Variants in FBXL20 observed in about 807,000 individuals in gnomAD.
The protein encoded by FBXL20 is F-box and leucine rich repeat protein 20, also known as F-box/LRR-repeat protein 20.
FBXL20 carries 11 observed loss-of-function variants against 64.0 expected under a neutral mutation model. The observed-to-expected ratio is 0.17, with a 90% CI of 0.11 to 0.28. The LOEUF (loss-of-function observed/expected upper bound fraction) is 0.28. Among genes scored for constraint, FBXL20 ranks in the 10% least tolerant of loss-of-function variants. The pLI is 1.00. For missense variants in FBXL20, 303 were observed against 526.2 expected, an observed-to-expected ratio of 0.58 and a Z score of 4.15; for synonymous variants, 184 against 189.0, an observed-to-expected ratio of 0.97 and a Z score of 0.22.
chr17:39,345,551 T>A, intron 1 of FBXL20, among the ~76,000 whole-genome samples: 1 of 80,908 alleles, frequency 1.2e-5, no homozygotes, highest in Middle Eastern at 5.4e-3. Context: ...ATTTTAATAA[T>A]TTTTTTTTTG....
At chr17:39,275,405 A>G (rs376748898) in intron 9 of FBXL20, among the ~76,000 whole-genome samples, 12 of 151,592 alleles carry the variant, frequency 7.9e-5, no homozygotes, top group East Asian at 5.8e-4. Context: ...AAATAATTTT[A>G]TTTATTTATT....
intron 6 of FBXL20, among the ~76,000 whole-genome samples, chr17:39,290,297 G>A (rs1185960202): frequency 1.3e-5 from 2 of 151,892 alleles, no homozygotes; most frequent in Non-Finnish European, 2.9e-5. Flanking sequence ...AGAACTCAGT[G>A]GATCTAGTAG....
intron 1 of FBXL20, among the ~76,000 whole-genome samples, chr17:39,367,190 C>T (rs1294091118): frequency 6.6e-6 from 1 of 151,980 alleles, no homozygotes; most frequent in Non-Finnish European, 1.5e-5. Flanking sequence ...GCCTATCAGT[C>T]CTTTCAATCT....
chr17:39,285,319 A>C (rs900431093), intron 7 of FBXL20, among the ~76,000 whole-genome samples, 159 bp downstream of exon 7: 8 of 140,092 alleles, frequency 5.7e-5, no homozygotes, highest in African/African-American at 2.4e-4. Flanking sequence ...TATGTCCCAT[A>C]ATTGTAATTT....
rs763087283 is a variant in FBXL20 at position 39,285,463 on chromosome 17, T to G, written c.494+15A>C. 4 of 1,533,934 alleles carry G rather than the reference T, an allele frequency of 2.6e-6. No individual in the cohort carries two copies. The South Asian group carries it at 3.9e-5, about 15-fold the overall frequency. Reference sequence around the variant, plus strand: ...TTTTTTTGATTACTTGACATGCTTATTATAAGAAATTTACCTCAGAGCTTT... The same window carrying G: ...TTTTTTTGATTACTTGACATGCTTAGTATAAGAAATTTACCTCAGAGCTTT... On this transcript the variant is annotated intron_variant, in intron 7 of 14. Coordinates refer to ENST00000264658, the MANE Select transcript of FBXL20 (RefSeq NM_032875.3).
intron 1 of FBXL20, among the ~76,000 whole-genome samples, chr17:39,361,739 G>A (rs983628328): frequency 1.3e-5 from 2 of 152,078 alleles, no homozygotes; most frequent in African/African-American, 4.8e-5. Context: ...GGAGTTTGCA[G>A]TGAGCCGAGA....
intron 11 of FBXL20, 51 bp from the exon 12 acceptor site, chr17:39,268,922 A>T: frequency 1.3e-6 from 2 of 1,521,284 alleles, no homozygotes; most frequent in South Asian, 1.1e-5. Context: ...CATTTAAAAC[A>T]TGAGAAACTT....
At chr17:39,310,173 A>C (rs1020493881) in intron 2 of FBXL20, among the ~76,000 whole-genome samples, 35 of 151,974 alleles carry the variant, frequency 2.3e-4, no homozygotes, top group East Asian at 9.7e-4. Context: ...AAAAAAGAAA[A>C]GAAACGAAAC....
intron 2 of FBXL20, among the ~76,000 whole-genome samples, chr17:39,305,225 T>C (rs1236446175): frequency 6.6e-6 from 1 of 152,262 alleles, no homozygotes; most frequent in Non-Finnish European, 1.5e-5. Context: ...CATTCTAATT[T>C]AATAAATTAC....
At chr17:39,338,901 T>C (rs1011102675) in intron 2 of FBXL20, among the ~76,000 whole-genome samples, 2 of 152,076 alleles carry the variant, frequency 1.3e-5, no homozygotes, top group Admixed American at 6.6e-5. Flanking sequence ...GTAAAACAGC[T>C]CATGCCTGTA....
chr17:39,332,542 T>C (rs1409007524), intron 2 of FBXL20, among the ~76,000 whole-genome samples: 1 of 146,354 alleles, frequency 6.8e-6, no homozygotes. Flanking sequence ...GTATCTTTTT[T>C]TTTTTTTTTT....
intron 1 of FBXL20, among the ~76,000 whole-genome samples, chr17:39,345,666 G>A (rs540718026): frequency 6.6e-6 from 1 of 152,010 alleles, no homozygotes; most frequent in Non-Finnish European, 1.5e-5. Flanking sequence ...TCAGCCTCCT[G>A]AGTAGCTGGG....
At chr17:39,281,654 C>G (rs2046951484) in intron 8 of FBXL20, among the ~76,000 whole-genome samples, 191 bp from the exon 9 acceptor site, 1 of 152,112 alleles carries the variant, frequency 6.6e-6, no homozygotes, top group Admixed American at 6.6e-5. Flanking sequence ...TTTTTAAAAT[C>G]AGCTTTGACC....
chr17:39,388,510 G>A (rs149570054), intron 1 of FBXL20, among the ~76,000 whole-genome samples: 3,274 of 147,704 alleles, frequency 0.022, 118 homozygotes, highest in African/African-American at 0.078. Flanking sequence ...TTGAGACGGC[G>A]TCTCGCTCTG....
chr17:39,351,767 CTCT>C (rs548323467), intron 1 of FBXL20, among the ~76,000 whole-genome samples: 197 of 152,272 alleles, frequency 1.3e-3, no homozygotes, highest in African/African-American at 4.7e-3. Context: ...CTAGATTCTT[CTCT>C]TCTTATTGTT....
intron 6 of FBXL20, among the ~76,000 whole-genome samples, chr17:39,290,129 A>C (rs2047025576): frequency 6.6e-6 from 1 of 151,024 alleles, no homozygotes; most frequent in Non-Finnish European, 1.5e-5. Flanking sequence ...GTATATGATG[A>C]CTTACACATT....
chr17:39,263,315 A>G (rs1006400720), intron 14 of FBXL20, among the ~76,000 whole-genome samples: 1 of 152,164 alleles, frequency 6.6e-6, no homozygotes, highest in African/African-American at 2.4e-5. Flanking sequence ...AGGAGTTTGA[A>G]ACCGGCCTGG....
At chr17:39,348,482 GAGTCTC>G (rs1469965152) in intron 1 of FBXL20, among the ~76,000 whole-genome samples, 8 of 151,782 alleles carry the variant, frequency 5.3e-5, no homozygotes, top group Non-Finnish European at 4.4e-5. Context: ...AAAAAAGATG[GAGTCTC>G]AGTATGTTGA....
chr17:39,371,677 T>C (rs1441188278), intron 1 of FBXL20, among the ~76,000 whole-genome samples: 3 of 151,922 alleles, frequency 2.0e-5, no homozygotes, highest in Non-Finnish European at 4.4e-5. Flanking sequence ...TTTTTTTTTT[T>C]TGAGACGAAG....
Sources: allele counts gnomAD v4.1 joint callset (sites outside exome capture counted in the v4.1 genomes callset), GRCh38; gene constraint gnomAD v4.1.1; transcripts MANE v1.5; gene names NCBI Gene and HGNC (gene_info 2026-07-23, HGNC 2026-07-21).